Variants in NBDY observed in about 807,000 individuals in gnomAD.
NBDY encodes the protein negative regulator of P-body association, also known as P-body dissociating protein.
chrX:56,741,084 A>G (rs1187992042), intron 2 of NBDY, among the ~76,000 whole-genome samples: 1 of 111,287 alleles, frequency 9.0e-6, no homozygotes, highest in Non-Finnish European at 1.9e-5. Flanking sequence ...AAGTGAGAAC[A>G]TGTGATGTTT....
chrX:56,794,856 C>T (rs888782424), intron 2 of NBDY, among the ~76,000 whole-genome samples: 1 of 112,462 alleles, frequency 8.9e-6, no homozygotes, highest in African/African-American at 3.2e-5. Context: ...GGTATCCATA[C>T]ATTGTTGACC....
intron 2 of NBDY, among the ~76,000 whole-genome samples, chrX:56,802,201 G>T (rs1311179377): frequency 8.9e-6 from 1 of 112,023 alleles, no homozygotes; most frequent in African/African-American, 3.3e-5. Context: ...CTGTTGATTG[G>T]GCACCTAAGG....
chrX:56,738,315 A>C (rs935686222), intron 2 of NBDY, among the ~76,000 whole-genome samples: 1 of 112,385 alleles, frequency 8.9e-6, no homozygotes, highest in Non-Finnish European at 1.9e-5. Flanking sequence ...GTACCACAGC[A>C]ACCAACACAG....
intron 2 of NBDY, among the ~76,000 whole-genome samples, chrX:56,748,151 A>G (rs2069566048): frequency 8.9e-6 from 1 of 111,974 alleles, no homozygotes; most frequent in Non-Finnish European, 1.9e-5. Flanking sequence ...TTAACTGATT[A>G]TAGACAGTAA....
intron 2 of NBDY, chrX:56,737,276 T>A: frequency 1.9e-6 from 2 of 1,062,876 alleles, no homozygotes; most frequent in Non-Finnish European, 2.6e-6. Flanking sequence ...TTCTTTTCTT[T>A]CCCGAATAAC....
intron 2 of NBDY, among the ~76,000 whole-genome samples, chrX:56,767,776 T>G: frequency 9.7e-6 from 1 of 103,582 alleles, no homozygotes. Flanking sequence ...GTTGTGGTTG[T>G]ACTTGGCATT....
chrX:56,789,034 G>C (rs5960804), intron 2 of NBDY, among the ~76,000 whole-genome samples: 63,216 of 111,993 alleles, frequency 0.56, 15,490 homozygotes, highest in Non-Finnish European at 0.78. Context: ...TCTTCCTCTG[G>C]GTGGCACTGT....
chrX:56,793,145 G>C (rs1200865745), intron 2 of NBDY, among the ~76,000 whole-genome samples: 1 of 112,207 alleles, frequency 8.9e-6, no homozygotes, highest in African/African-American at 3.2e-5. Context: ...CCATCCCAAG[G>C]TGGTAAACTC....
At chrX:56,792,934 A>T (rs984977804) in intron 2 of NBDY, among the ~76,000 whole-genome samples, 1 of 111,815 alleles carries the variant, frequency 8.9e-6, no homozygotes, top group Non-Finnish European at 1.9e-5. Context: ...GTAGGGGCAG[A>T]GAAAGTCCCC....
chrX:56,796,931 G>A (rs1453337922), intron 2 of NBDY, among the ~76,000 whole-genome samples: 1 of 111,509 alleles, frequency 9.0e-6, no homozygotes, highest in African/African-American at 3.3e-5. Context: ...ACACATTCAG[G>A]TCCCCCTGAA....
At chrX:56,782,792 A>C (rs546948916) in intron 2 of NBDY, among the ~76,000 whole-genome samples, 7 of 111,414 alleles carry the variant, frequency 6.3e-5, no homozygotes, top group African/African-American at 2.3e-4. Flanking sequence ...CCACATGCCC[A>C]TTTGCCCACT....
chrX:56,750,911 C>A (rs2069581453), intron 2 of NBDY, among the ~76,000 whole-genome samples: 1 of 111,648 alleles, frequency 9.0e-6, no homozygotes, highest in Non-Finnish European at 1.9e-5. Flanking sequence ...CTTGGCACAG[C>A]CTTTAGAATA....
At chrX:56,739,238 GTATATA>G (rs1198957018) in intron 2 of NBDY, among the ~76,000 whole-genome samples, 10 of 59,632 alleles carry the variant, frequency 1.7e-4, no homozygotes, top group African/African-American at 3.5e-4. Context: ...GTTTGTGTGT[GTATATA>G]TATATATATA....
At chrX:56,744,631 A>AT (rs762935394) in intron 2 of NBDY, among the ~76,000 whole-genome samples, 1 of 111,667 alleles carries the variant, frequency 9.0e-6, no homozygotes, top group East Asian at 2.8e-4. Flanking sequence ...TTCTTTACTA[A>AT]TTTTTTATTT....
At chrX:56,801,739 A>G (rs1192369137) in intron 2 of NBDY, among the ~76,000 whole-genome samples, 1 of 110,641 alleles carries the variant, frequency 9.0e-6, no homozygotes, top group African/African-American at 3.3e-5. Context: ...CAATCCAGCC[A>G]TGTGAACACA....
chrX:56,801,615 T>G (rs963732130), intron 2 of NBDY, among the ~76,000 whole-genome samples: 9 of 111,504 alleles, frequency 8.1e-5, no homozygotes, highest in African/African-American at 2.9e-4. Flanking sequence ...AACCCACCCC[T>G]TAACCTGTTC....
At chrX:56,752,921 G>A (rs2069593069) in intron 2 of NBDY, among the ~76,000 whole-genome samples, 1 of 112,024 alleles carries the variant, frequency 8.9e-6, no homozygotes, top group African/African-American at 3.2e-5. Context: ...AGCAACTATT[G>A]AATCATAAAA....
chrX:56,738,365 A>G (rs1432477280), intron 2 of NBDY, among the ~76,000 whole-genome samples: 1 of 112,089 alleles, frequency 8.9e-6, no homozygotes, highest in Non-Finnish European at 1.9e-5. Flanking sequence ...TTTCTCACCG[A>G]CAGGCAAGTA....
At chrX:56,730,127 A>G (rs1166559985) in intron 1 of NBDY, among the ~76,000 whole-genome samples, 3 of 110,039 alleles carry the variant, frequency 2.7e-5, no homozygotes, top group South Asian at 4.0e-4. Flanking sequence ...TGATAGTCAA[A>G]TCCAAGTGCC....
Sources: allele counts gnomAD v4.1 joint callset (sites outside exome capture counted in the v4.1 genomes callset), GRCh38; gene constraint gnomAD v4.1.1; transcripts MANE v1.5; gene names NCBI Gene and HGNC (gene_info 2026-07-23, HGNC 2026-07-21).